PIAS4: variants seen among roughly 807,000 people sequenced by gnomAD.
The protein encoded by PIAS4 is protein inhibitor of activated STAT 4.
Under a neutral mutation model 58.0 loss-of-function variants are expected in PIAS4, and 7 were observed. The observed-to-expected ratio is 0.12, with a 90% confidence interval of 0.07 to 0.23. PIAS4 has a LOEUF of 0.23. Ranked by LOEUF, PIAS4 falls within the 10% of genes least tolerant of loss-of-function variation. The pLI is 1.00. For synonymous variants in PIAS4, 364 were observed against 312.4 expected (o/e 1.17, Z -1.74); for missense variants, 550 against 709.5 (o/e 0.78, Z 2.55).
intron 2 of PIAS4, among the ~76,000 whole-genome samples, chr19:4,017,187 C>A (rs2040060849): frequency 6.6e-6 from 1 of 152,090 alleles, no homozygotes; most frequent in Non-Finnish European, 1.5e-5. Context: ...CCAGCTCTGC[C>A]CCAGGTCTTG....
At chr19:4,020,480 T>C (rs1361353786) in intron 2 of PIAS4, among the ~76,000 whole-genome samples, 1 of 151,814 alleles carries the variant, frequency 6.6e-6, no homozygotes, top group Non-Finnish European at 1.5e-5. Flanking sequence ...AGGCTGCCAT[T>C]GTGGCCAGAT....
rs1386317890 is a variant in PIAS4 at position 4,037,298 on chromosome 19, G to A, written c.1143-76G>A. ...AAGTGGGGAGTGCCTGGCTGCATCC[G>A]GGAGGGATGGAGGGCTGGGGAGTTG... On this transcript the variant is annotated intron_variant, in intron 9 of 10. Transcript: ENST00000262971. The surrounding 1 kb of genome is among the most constrained non-coding windows in gnomAD (Gnocchi z 5.8). The A allele has an allele frequency of 2.0e-5, 30 of 1,525,844 alleles. No individual in the cohort carries two copies. Among genetic ancestry groups the A allele is most frequent in the African/African-American group, 2.7e-5 (2 of 72,788 alleles). The allele number at this position is 1,525,844 out of a possible 1,614,324, so 94.5% of individuals were successfully genotyped here. A position where few individuals can be genotyped will look rare whatever the true frequency, so the allele number is the denominator to read the frequency against.
At chr19:4,029,698 T>C (rs930500328) in intron 7 of PIAS4, among the ~76,000 whole-genome samples, 1 of 150,224 alleles carries the variant, frequency 6.7e-6, no homozygotes, top group Admixed American at 6.6e-5. Flanking sequence ...CAGGCTACAG[T>C]GCAGTGGTGG....
At chr19:4,017,684 T>TTG (rs1056656871) in intron 2 of PIAS4, 1 of 146,978 alleles carries the variant, frequency 6.8e-6, no homozygotes, top group African/African-American at 2.5e-5. Flanking sequence ...GATCAGCTTT[T>TTG]TTTTTTTTTT....
chr19:4,025,890 A>G (rs1178364194), intron 3 of PIAS4, among the ~76,000 whole-genome samples: 1 of 151,826 alleles, frequency 6.6e-6, no homozygotes, highest in Non-Finnish European at 1.5e-5. Flanking sequence ...TGGCTAACAC[A>G]GTGAAACCCC....
rs764999661 is a variant in PIAS4 at position 4,037,697 on chromosome 19, C to T, written c.1355C>T (p.Pro452Leu). ...CTGGGCAGCACGGGTGGCGGCGGCC[C>T]GGTGGGCAGCATGGAGAATGGGAAG... Reference protein sequence around the residue: ...GALGSTGGGGPVGSMENGKPG... With the variant: ...GALGSTGGGGLVGSMENGKPG... Residue 452 changes from proline to leucine, a missense_variant, in exon 11 of 11, where the codon CCG becomes CTG. Pro to Leu is a moderately conservative substitution (Grantham distance 98, BLOSUM62 -3). Around this residue, in one of 4 missense-constraint regions of PIAS4, gnomAD observed 188 missense variants for 192.0 expected, o/e 0.98. Coordinates refer to ENST00000262971, the MANE Select transcript of PIAS4 (RefSeq NM_015897.4). This position sits in a 1 kb window ranked among gnomAD's most constrained non-coding sequence, Gnocchi z 5.8. 5.5e-5 allele frequency: 88 copies of T among 1,611,662 alleles called. No homozygotes were observed. The highest frequency in any genetic ancestry group is 7.0e-5 in the Non-Finnish European group (82 of 1,179,552).
chr19:4,020,739 T>C (rs556790352), intron 2 of PIAS4, among the ~76,000 whole-genome samples: 86 of 152,310 alleles, frequency 5.6e-4, no homozygotes, highest in African/African-American at 1.8e-3. Flanking sequence ...GAATGACAGC[T>C]GCACACCAGC....
At chr19:4,026,039 A>C (rs1402103376) in intron 3 of PIAS4, among the ~76,000 whole-genome samples, 2 of 128,370 alleles carry the variant, frequency 1.6e-5, no homozygotes, top group Non-Finnish European at 3.1e-5. Flanking sequence ...CTGCCACTGC[A>C]CTCCAGCCTG....
chr19:4,021,745 T>TC (rs1337701841), intron 2 of PIAS4, among the ~76,000 whole-genome samples: 78 of 144,958 alleles, frequency 5.4e-4, no homozygotes, highest in African/African-American at 1.9e-3. Context: ...TCTTTTTCTT[T>TC]TTTTTTTTTT....
intron 3 of PIAS4, 62 bp from the exon 4 acceptor site, chr19:4,028,084 G>C: frequency 6.6e-7 from 1 of 1,521,896 alleles, no homozygotes. Context: ...CGGGTGGGCT[G>C]GGGTCACGCC....
intron 2 of PIAS4, among the ~76,000 whole-genome samples, chr19:4,022,587 C>T (rs550999712): frequency 6.6e-5 from 10 of 151,812 alleles, no homozygotes; most frequent in Non-Finnish European, 4.4e-5. Context: ...AGGATGGTCT[C>T]GATCTCCTGA....
At chr19:4,022,453 G>A (rs143657502) in intron 2 of PIAS4, among the ~76,000 whole-genome samples, 223 of 151,902 alleles carry the variant, frequency 1.5e-3, no homozygotes, top group African/African-American at 5.1e-3. Flanking sequence ...TGCAAGCTCC[G>A]CCTCCCAGGT....
In PIAS4 at chr19:4,013,622, G is replaced by A. The variant is rs1210626329; in HGVS notation, c.454+273G>A. On this transcript the variant is annotated intron_variant, in intron 2 of 10. Coordinates refer to ENST00000262971, the MANE Select transcript of PIAS4 (RefSeq NM_015897.4). This position sits in a 1 kb window ranked among gnomAD's most constrained non-coding sequence, Gnocchi z 5.1. ...AGGAACCTGTGAGCTGTGTTGCGGG[G>A]CATTGGGGCTTGGGGGCTCTCATGA... Among the ~76,000 whole-genome samples, 1 of 151,642 alleles carries A rather than the reference G, an allele frequency of 6.6e-6. No individual in the cohort carries two copies. Among genetic ancestry groups the A allele is most frequent in the African/African-American group, 2.4e-5 (1 of 41,368 alleles).
At chr19:4,008,016 C>G (rs1472162593) in intron 1 of PIAS4, among the ~76,000 whole-genome samples, 1 of 151,354 alleles carries the variant, frequency 6.6e-6, no homozygotes, top group African/African-American at 2.4e-5. Context: ...GGGGGTCGCT[C>G]CCCCGGCTTC....
At chr19:4,029,451 C>T (rs1209284370) in intron 7 of PIAS4, among the ~76,000 whole-genome samples, 1 of 152,130 alleles carries the variant, frequency 6.6e-6, no homozygotes, top group Non-Finnish European at 1.5e-5. Context: ...TGGCGGGTCA[C>T]GGACGGCCAG....
intron 1 of PIAS4, among the ~76,000 whole-genome samples, chr19:4,011,586 A>G (rs1172368766): frequency 6.6e-6 from 1 of 152,152 alleles, no homozygotes; most frequent in Non-Finnish European, 1.5e-5. Flanking sequence ...TGTGGCTGCT[A>G]TCTTCCCCTT....
At chr19:4,009,986 A>G (rs766879584) in intron 1 of PIAS4, among the ~76,000 whole-genome samples, 19 of 152,200 alleles carry the variant, frequency 1.2e-4, no homozygotes, top group East Asian at 9.6e-4. Context: ...TGAGGGGCCT[A>G]TGCTGGAGGA....
chr19:4,028,384 AC>A (rs2040189254), intron 4 of PIAS4, 125 bp from the exon 5 acceptor site: 3 of 804,484 alleles, frequency 3.7e-6, no homozygotes, highest in East Asian at 2.7e-5. Context: ...GGGCCCTGAT[AC>A]CCCCCGTGTC....
rs2040193751 is a variant in PIAS4 at position 4,028,763 on chromosome 19, C to T, written c.716C>T (p.Pro239Leu). Residue 239 changes from proline (P) to leucine (L), a missense_variant, in exon 6 of 11, where the codon CCG becomes CTG. Around this residue, in one of 4 missense-constraint regions of PIAS4, gnomAD observed 225 missense variants for 345.8 expected, o/e 0.65. Transcript: ENST00000262971. Reference sequence around the variant, plus strand: ...AAGCCCGGGGTGGAGCCCAAGAGGCCGTGCCGCCCCATCAACCTCACCCAC... The same window carrying T: ...AAGCCCGGGGTGGAGCCCAAGAGGCTGTGCCGCCCCATCAACCTCACCCAC... Reference protein sequence around the residue: ...SNKPGVEPKRPCRPINLTHLM... With the variant: ...SNKPGVEPKRLCRPINLTHLM... 6.2e-7 allele frequency: 1 copy of T among 1,613,292 alleles called. No individual in the cohort carries two copies. Among genetic ancestry groups the T allele is most frequent in the Non-Finnish European group, 8.5e-7 (1 of 1,179,862 alleles).
Sources: gnomAD v4.1 joint callset for allele counts (sites outside exome capture counted in the v4.1 genomes callset) on GRCh38, gnomAD v4.1.1 for gene constraint, gnomAD v4.1.1 regional missense constraint, Gnocchi (gnomAD v3.1) non-coding constraint, MANE v1.5 for transcripts, NCBI Gene and HGNC (gene_info 2026-07-23, HGNC 2026-07-21) for gene names.